Variants in MRC1 observed in about 807,000 individuals in gnomAD.
MRC1 encodes macrophage mannose receptor 1.
MRC1 carries 62 observed loss-of-function variants against 102.9 expected under a neutral mutation model. The observed-to-expected ratio is 0.60, with a 90% CI of 0.49 to 0.74. The LOEUF (loss-of-function observed/expected upper bound fraction) is 0.74, where lower values mean the gene tolerates loss of function less well. Among genes scored for constraint, MRC1 ranks in the 30% least tolerant of loss-of-function variants. The pLI, the probability that MRC1 is intolerant of heterozygous loss-of-function variation, is 0.00. For synonymous variants in MRC1, 457 were observed against 298.4 expected (o/e 1.53, Z -5.48); for missense variants, 1,237 against 862.8 (o/e 1.43, Z -5.43).
intron 7 of MRC1, among the ~76,000 whole-genome samples, chr10:17,851,742 T>C (rs1838920555): frequency 6.6e-6 from 1 of 152,200 alleles, no homozygotes. Flanking sequence ...AAGATCACGA[T>C]CTGCAAATCA....
At chr10:17,883,151 A>T (rs1233405455) in intron 21 of MRC1, among the ~76,000 whole-genome samples, 2 of 152,208 alleles carry the variant, frequency 1.3e-5, no homozygotes, top group Non-Finnish European at 2.9e-5. Flanking sequence ...TTTTAGAGAT[A>T]GGGTCTCGCT....
chr10:17,880,489 A>G lies in MRC1; in HGVS notation c.2720-36A>G, dbSNP rs991899413. The G allele has an allele frequency of 2.0e-5, 16 of 780,610 alleles. No homozygotes were observed. The African/African-American group carries it at 2.5e-4, about 12-fold the overall frequency. The allele number at this position is 780,610 out of a possible 1,614,324, so 48.4% of individuals were successfully genotyped here. ...TAAAATAATGTTTTAAAACATAAAC[A>G]TATGAATCTAATTTAACTATTTCTC... On this transcript the variant is annotated intron_variant, in intron 19 of 29. Coordinates refer to ENST00000569591, the MANE Select transcript of MRC1 (RefSeq NM_002438.4).
chr10:17,833,332 G>A (rs1319547385), intron 3 of MRC1, among the ~76,000 whole-genome samples: 1 of 151,938 alleles, frequency 6.6e-6, no homozygotes, highest in African/African-American at 2.4e-5. Context: ...ACTAGCCTGG[G>A]CCACATAGAG....
chr10:17,872,082 T>G lies in MRC1; in HGVS notation c.2300T>G (p.Ile767Ser). 1 of 780,710 alleles carries G rather than the reference T, an allele frequency of 1.3e-6. No individual in the cohort carries two copies. Among genetic ancestry groups the G allele is most frequent in the Admixed American group, 1.7e-5 (1 of 59,026 alleles). The allele number at this position is 780,710 out of a possible 1,614,324, so 48.4% of individuals were successfully genotyped here. A position where few individuals can be genotyped will look rare whatever the true frequency, so the allele number is the denominator to read the frequency against. The part of the protein sequence containing the change: ...KGDPTMSWND[I>S]NCEHLNNWIC... Reference sequence around the variant, plus strand: ...GACCCTACTATGTCTTGGAATGATATTAATTGTGAACACCTTAACAACTGG... The same window carrying G: ...GACCCTACTATGTCTTGGAATGATAGTAATTGTGAACACCTTAACAACTGG... The change falls in exon 15 of 30, where the codon ATT becomes AGT. Residue 767 changes from isoleucine (I) to serine (S), a missense_variant. Transcript: ENST00000569591.
At chr10:17,889,269 A>G (rs1294268307) in intron 22 of MRC1, among the ~76,000 whole-genome samples, 2 of 152,174 alleles carry the variant, frequency 1.3e-5, no homozygotes, top group African/African-American at 4.8e-5. Context: ...GTTAACATCT[A>G]TCATATTTGC....
At chr10:17,841,280 C>T (rs893070960) in intron 5 of MRC1, among the ~76,000 whole-genome samples, 20 of 152,318 alleles carry the variant, frequency 1.3e-4, no homozygotes, top group African/African-American at 4.6e-4. Flanking sequence ...TTTTTTATGA[C>T]TGTACCTTGA....
chr10:17,859,400 C>T (rs987246312), intron 9 of MRC1, among the ~76,000 whole-genome samples: 2 of 152,086 alleles, frequency 1.3e-5, no homozygotes, highest in Admixed American at 1.3e-4. Context: ...TCAGCGCAAC[C>T]TCTACCACAT....
intron 21 of MRC1, 25 bp downstream of exon 21, chr10:17,881,206 TTG>T: frequency 1.3e-6 from 1 of 778,042 alleles, no homozygotes; most frequent in Non-Finnish European, 2.4e-6. Context: ...TTGCAATTAG[TTG>T]TGTGTTTAAA....
At chr10:17,872,217 A>G (rs1833363980) in intron 15 of MRC1, 91 bp downstream of exon 15, 3 of 775,796 alleles carry the variant, frequency 3.9e-6, no homozygotes, top group Non-Finnish European at 7.2e-6. Flanking sequence ...AAGCAAACAA[A>G]CAAAATAACA....
At chr10:17,841,404 G>A (rs1838747180) in intron 5 of MRC1, among the ~76,000 whole-genome samples, 1 of 152,110 alleles carries the variant, frequency 6.6e-6, no homozygotes, top group Non-Finnish European at 1.5e-5. Context: ...TACTATCTCA[G>A]TTACAGCTTA....
Position 17,870,252 on chromosome 10 carries a change from G to A in MRC1, c.1990G>A (p.Ala664Thr), listed in dbSNP as rs1216156181. ...GTAACCATATCATCTTCAGCTGTAT[G>A]CAAAAGGAAAACATGAGAAGAAAAC... ...SRTSLCFKLY[A>T]KGKHEKKTWF... Residue 664 changes from alanine (A) to threonine (T), a missense_variant, in exon 13 of 30, where the codon GCA becomes ACA. Physicochemically the swap from Ala to Thr is moderately conservative, Grantham distance 58. Transcript: ENST00000569591. 2.4e-5 allele frequency: 19 copies of A among 780,204 alleles called. No individual in the cohort carries two copies. The highest frequency in any genetic ancestry group is 4.8e-5 in the East Asian group (2 of 41,250). 48.3% of individuals were successfully genotyped at this position (780,204 alleles called of 1,614,324 possible). A position where few individuals can be genotyped will look rare whatever the true frequency, so the allele number is the denominator to read the frequency against.
At chr10:17,820,908 C>T (rs1212476135) in intron 1 of MRC1, among the ~76,000 whole-genome samples, 1 of 151,942 alleles carries the variant, frequency 6.6e-6, no homozygotes, top group African/African-American at 2.4e-5. Flanking sequence ...TGAGCAAAGC[C>T]CTATATTATC....
chr10:17,819,945 A>G (rs1306524917), intron 1 of MRC1, among the ~76,000 whole-genome samples: 1 of 152,204 alleles, frequency 6.6e-6, no homozygotes, highest in Non-Finnish European at 1.5e-5. Context: ...ATCCTGTCTC[A>G]AAAACAAACG....
chr10:17,870,813 T>C (rs1833344525), intron 13 of MRC1, 35 bp from the exon 14 acceptor site: 2 of 871,412 alleles, frequency 2.3e-6, no homozygotes, highest in Admixed American at 1.7e-5. Context: ...CTTCATGCAA[T>C]AGCATATGCT....
rs186199631 is a variant in MRC1 at position 17,826,224 on chromosome 10, G to A, written c.464-1318G>A. 9.8e-3 allele frequency among the ~76,000 whole-genome samples: 1,479 copies of A among 151,274 alleles called. 14 individuals are homozygous for A. Among genetic ancestry groups the A allele is most frequent in the Middle Eastern group, 0.024 (7 of 288 alleles). ...TTTTTTTTAAGATTTATTTTTTGAC[G>A]CAGAGTCTCACTCTGTCACCCAGGC... On this transcript the variant is annotated intron_variant, in intron 2 of 29. Coordinates refer to ENST00000569591, the MANE Select transcript of MRC1 (RefSeq NM_002438.4).
At chr10:17,841,179 G>T (rs1395055190) in intron 5 of MRC1, among the ~76,000 whole-genome samples, 1 of 152,174 alleles carries the variant, frequency 6.6e-6, no homozygotes, top group Non-Finnish European at 1.5e-5. Context: ...ACTTGCTGTT[G>T]CATTGACTTT....
At chr10:17,828,857 T>C (rs1487309533) in intron 3 of MRC1, among the ~76,000 whole-genome samples, 2 of 151,422 alleles carry the variant, frequency 1.3e-5, no homozygotes, top group Non-Finnish European at 2.9e-5. Context: ...TGTAGGCAAA[T>C]AGTGAAGCAC....
At position 17,833,378 on chromosome 10, in the gene MRC1, A is replaced by T. The variant is rs574239576; in HGVS notation, c.638-297A>T. 4.7e-3 allele frequency among the ~76,000 whole-genome samples: 714 copies of T among 152,158 alleles called. 7 individuals carry two copies. Among genetic ancestry groups the T allele is most frequent in the African/African-American group, 0.016 (673 of 41,506 alleles). ...TCTGCAAAAAGTTAAAAAGTTAGCC[A>T]GGCATGGTGGTGCATGCCTGGAGTC... On this transcript the variant is annotated intron_variant, in intron 3 of 29. Coordinates refer to ENST00000569591, the MANE Select transcript of MRC1 (RefSeq NM_002438.4).
At chr10:17,850,050 T>G (rs1838890354) in intron 7 of MRC1, among the ~76,000 whole-genome samples, 1 of 152,202 alleles carries the variant, frequency 6.6e-6, no homozygotes, top group African/African-American at 2.4e-5. Context: ...ATGCATTATC[T>G]GGATGCAGAG....
Sources: allele counts gnomAD v4.1 joint callset (sites outside exome capture counted in the v4.1 genomes callset), GRCh38; gene constraint gnomAD v4.1.1; transcripts MANE v1.5; gene names NCBI Gene and HGNC (gene_info 2026-07-23, HGNC 2026-07-21).